The following PLCE1 variants were observed in gnomAD, a reference collection of about 807,000 sequenced individuals.
PLCE1 encodes 1-phosphatidylinositol 4,5-bisphosphate phosphodiesterase epsilon-1.
In PLCE1, 119 loss-of-function variants were observed where a neutral mutation model predicts 242.8. The observed-to-expected ratio is 0.49, with a 90% confidence interval of 0.42 to 0.57. The LOEUF is 0.57. PLCE1 is among the 20% of genes least tolerant of loss of function. The probability of loss-of-function intolerance (pLI) is 0.00; values close to 1 mark genes in which losing one functional copy is unlikely to be tolerated. For missense variants in PLCE1, 2,441 were observed against 2,788.8 expected (o/e 0.88, Z 2.81); for synonymous variants, 945 against 1,017.4 (o/e 0.93, Z 1.35).
At chr10:94,228,447 A>G (rs1013906184) in intron 5 of PLCE1, among the ~76,000 whole-genome samples, 1 of 152,212 alleles carries the variant, frequency 6.6e-6, no homozygotes, top group African/African-American at 2.4e-5. Context: ...AAGCACCTAC[A>G]TCTTTAGGTA....
rs2133642820 is a variant in PLCE1, at chr10:94,306,760, T to C, written c.5884+72T>C. On this transcript the variant is annotated intron_variant, in intron 26 of 32. Transcript: ENST00000371380. The surrounding 1 kb of genome is among the most constrained non-coding windows in gnomAD (Gnocchi z 5.7). ...TGGATGCCAGAATTTCCTTATACTC[T>C]TCTCTCTTTTCTGTTTGACATTTTC... 1 of 1,131,706 alleles carries C rather than the reference T, an allele frequency of 8.8e-7. No individual in the cohort carries two copies. The highest frequency in any genetic ancestry group is 2.5e-5 in the East Asian group (1 of 39,480). The allele number at this position is 1,131,706 out of a possible 1,614,324, so 70.1% of individuals were successfully genotyped here. A position where few individuals can be genotyped will look rare whatever the true frequency, so the allele number is the denominator to read the frequency against.
At chr10:94,158,343 C>T (rs867225702) in intron 3 of PLCE1, among the ~76,000 whole-genome samples, 12 of 152,106 alleles carry the variant, frequency 7.9e-5, no homozygotes, top group Non-Finnish European at 8.8e-5. Flanking sequence ...ATGCCATCTT[C>T]CCCTATATGA....
chr10:94,176,273 G>T (rs2048124251), intron 4 of PLCE1, among the ~76,000 whole-genome samples: 1 of 152,108 alleles, frequency 6.6e-6, no homozygotes, highest in African/African-American at 2.4e-5. Context: ...GGTGGTGCAT[G>T]CCTGTGGTCT....
chr10:94,179,669 C>A (rs952288851), intron 4 of PLCE1, among the ~76,000 whole-genome samples: 1 of 151,542 alleles, frequency 6.6e-6, no homozygotes, highest in East Asian at 1.9e-4. Flanking sequence ...CCTCGCCTGG[C>A]TAATTTTTGT....
At chr10:94,282,063 C>T (rs1259597894) in intron 20 of PLCE1, among the ~76,000 whole-genome samples, 4 of 149,508 alleles carry the variant, frequency 2.7e-5, no homozygotes, top group Non-Finnish European at 5.9e-5. Context: ...AAAAATAAAA[C>T]GTGCTCTCAA....
In PLCE1 at chr10:94,001,109, A is replaced by C. The variant is rs2060922689; in HGVS notation, c.-365+6851A>C. Reference sequence around the variant, plus strand: ...GCCCCCCATATCCCTCCTCTGAAGCAGTGAGTACAGGGCTACTTGCTTGAA... The same window carrying C: ...GCCCCCCATATCCCTCCTCTGAAGCCGTGAGTACAGGGCTACTTGCTTGAA... On this transcript the variant is annotated intron_variant, in intron 1 of 32. Coordinates refer to ENST00000371380, the MANE Select transcript of PLCE1 (RefSeq NM_016341.4). 1.3e-5 allele frequency among the ~76,000 whole-genome samples: 2 copies of C among 152,232 alleles called. 1 individual carries two copies. The highest frequency in any genetic ancestry group is 2.9e-5 in the Non-Finnish European group (2 of 68,032).
intron 18 of PLCE1, 123 bp from the exon 19 acceptor site, chr10:94,273,439 C>T: frequency 2.1e-6 from 2 of 972,746 alleles, no homozygotes; most frequent in Non-Finnish European, 3.1e-6. Flanking sequence ...CCTAGTTCCT[C>T]TTCCTAAGAC....
chr10:94,237,915 ACT>A (rs1295702203), intron 7 of PLCE1, among the ~76,000 whole-genome samples: 1 of 152,030 alleles, frequency 6.6e-6, no homozygotes, highest in East Asian at 1.9e-4. Context: ...TGAAACAGAG[ACT>A]CTACAAACAG....
intron 3 of PLCE1, among the ~76,000 whole-genome samples, chr10:94,153,203 C>G (rs551046015): frequency 3.0e-4 from 46 of 152,150 alleles, no homozygotes; most frequent in African/African-American, 1.1e-3. Context: ...GTACAAAGCT[C>G]TTCTCAGTTA....
At chr10:94,284,313 C>T (rs990283270) in intron 21 of PLCE1, among the ~76,000 whole-genome samples, 3 of 152,120 alleles carry the variant, frequency 2.0e-5, no homozygotes, top group East Asian at 1.9e-4. Context: ...ACAGAACATT[C>T]GGGCCAAGAG....
chr10:94,208,610 A>G (rs921998148), intron 4 of PLCE1, among the ~76,000 whole-genome samples: 2 of 152,080 alleles, frequency 1.3e-5, no homozygotes, highest in Non-Finnish European at 2.9e-5. Flanking sequence ...GTAAATAGCC[A>G]GGGCCCTAGA....
intron 1 of PLCE1, among the ~76,000 whole-genome samples, chr10:94,003,653 T>G (rs572386961): frequency 6.6e-6 from 1 of 152,320 alleles, no homozygotes; most frequent in South Asian, 2.1e-4. Flanking sequence ...AGACCCCGTG[T>G]GCTTTCCTAA....
Position 94,284,923 on chromosome 10 carries a change from C to T in PLCE1, c.4993C>T (p.Leu1665Phe), listed in dbSNP as rs756088601. The T allele has an allele frequency of 5.0e-6, 8 of 1,610,390 alleles. No homozygotes were observed. Among genetic ancestry groups the T allele is most frequent in the Middle Eastern group, 1.7e-4 (1 of 6,052 alleles). ...KKESRQIAPE[L>F]SDLVIYCQAV... ...GGAAAGCAGACAGATTGCACCAGAGCTTTCTGACCTTGTAATCTATTGTCA... is the reference window on the plus strand; with the variant it reads ...GGAAAGCAGACAGATTGCACCAGAGTTTTCTGACCTTGTAATCTATTGTCA... Residue 1665 changes from leucine (L) to phenylalanine (F), a missense_variant, in exon 22 of 33, where the codon CTT (leucine) becomes TTT (phenylalanine). Transcript: ENST00000371380.
chr10:94,201,908 T>C (rs2136781002), intron 4 of PLCE1, among the ~76,000 whole-genome samples: 1 of 152,326 alleles, frequency 6.6e-6, no homozygotes, highest in African/African-American at 2.4e-5. Context: ...TGGGGGCATT[T>C]CCTTTCTAAG....
intron 22 of PLCE1, among the ~76,000 whole-genome samples, chr10:94,287,712 GT>G (rs1209215200): frequency 6.6e-6 from 1 of 150,750 alleles, no homozygotes; most frequent in Non-Finnish European, 1.5e-5. Context: ...ATTGTCCTGG[GT>G]TTTTTTCTCC....
chr10:94,254,281 A>C lies in PLCE1; in HGVS notation c.3371A>C (p.Gln1124Pro), dbSNP rs748303342. Residue 1124 changes from glutamine (Q) to proline (P), a missense_variant, in exon 10 of 33, where the codon CAA becomes CCA. Coordinates refer to ENST00000371380, the MANE Select transcript of PLCE1 (RefSeq NM_016341.4). ...ECRSRSGSDPQDINEQEESEV... is the reference protein window; with the variant it reads ...ECRSRSGSDPPDINEQEESEV... Reference sequence around the variant, plus strand: ...CGAAGCCGGAGTGGTTCTGATCCTCAAGACATTAATGAACAAGAAGAATCA... The same window carrying C: ...CGAAGCCGGAGTGGTTCTGATCCTCCAGACATTAATGAACAAGAAGAATCA... 1.9e-6 allele frequency: 3 copies of C among 1,613,208 alleles called. No individual in the cohort carries two copies. In the African/African-American group the frequency reaches 4.0e-5, roughly 22 times the overall value.
At chr10:94,142,755 C>T (rs541159106) in intron 3 of PLCE1, among the ~76,000 whole-genome samples, 1 of 152,280 alleles carries the variant, frequency 6.6e-6, no homozygotes, top group African/African-American at 2.4e-5. Context: ...CAAGTACCCT[C>T]CAGGTTTCCC....
At position 94,136,214 on chromosome 10, in the gene PLCE1, G is replaced by T. The variant is rs530608065; in HGVS notation, c.1492+3755G>T. Among the ~76,000 whole-genome samples, 10 of 152,268 alleles carry T rather than the reference G, an allele frequency of 6.6e-5. No individual in the cohort carries two copies. In the South Asian group the frequency reaches 2.1e-3, roughly 32 times the overall value. ...AATCATAGAGACCTTAAGTAGAAAGGTGGTTACCGGGGATGAGGAAGGGCA... is the reference window on the plus strand; with the variant it reads ...AATCATAGAGACCTTAAGTAGAAAGTTGGTTACCGGGGATGAGGAAGGGCA... On this transcript the variant is annotated intron_variant, in intron 3 of 32. Transcript: ENST00000371380.
At position 94,308,586 on chromosome 10, in the gene PLCE1, C is replaced by A. The variant is rs775052849; in HGVS notation, c.5890C>A (p.Arg1964=). ...CCAATTCTGTATTACTCCAGGATATCGACATCTTCAGCTGCGAAACCTTCA... is the reference window on the plus strand; with the variant it reads ...CCAATTCTGTATTACTCCAGGATATAGACATCTTCAGCTGCGAAACCTTCA... ...IPLKALKRGY[R]HLQLRNLHNE... is the part of the protein sequence containing the mutation. Residue 1964 remains arginine, a synonymous_variant, in exon 27 of 33, where the codon CGA becomes AGA. Transcript: ENST00000371380. The A allele has an allele frequency of 5.6e-6, 9 of 1,598,726 alleles. No individual in the cohort carries two copies. The highest frequency in any genetic ancestry group is 6.9e-6 in the Non-Finnish European group (8 of 1,166,376).
Sources: gnomAD v4.1 joint callset for allele counts (sites outside exome capture counted in the v4.1 genomes callset) on GRCh38, gnomAD v4.1.1 for gene constraint, Gnocchi (gnomAD v3.1) non-coding constraint, MANE v1.5 for transcripts, NCBI Gene and HGNC (gene_info 2026-07-23, HGNC 2026-07-21) for gene names.